Variants in DYSF observed in about 807,000 individuals in gnomAD.
The protein encoded by DYSF is dysferlin.
A neutral mutation model predicts 274.9 loss-of-function variants in DYSF; 212 were observed. That is an observed-to-expected ratio of 0.77 (90% confidence interval 0.69 to 0.86). DYSF has a LOEUF of 0.86. DYSF is among the 40% of genes least tolerant of loss of function. The pLI is 0.00. For missense variants in DYSF, 2,666 were observed against 2,783.2 expected, an observed-to-expected ratio of 0.96 and a Z score of 0.95; for synonymous variants, 1,091 against 1,078.7, an observed-to-expected ratio of 1.01 and a Z score of -0.22.
At chr2:71,508,617 G>A (rs2085752319) in intron 4 of DYSF, among the ~76,000 whole-genome samples, 1 of 152,192 alleles carries the variant, frequency 6.6e-6, no homozygotes. Flanking sequence ...TGTCTTGGGT[G>A]TGAGTGTAAC....
intron 39 of DYSF, 52 bp from the exon 40 acceptor site, chr2:71,613,282 C>CGA: frequency 1.9e-6 from 3 of 1,551,358 alleles, no homozygotes; most frequent in Non-Finnish European, 2.6e-6. Context: ...TGGTGAGGGG[C>CGA]GAGCCTTTTG....
intron 30 of DYSF, among the ~76,000 whole-genome samples, chr2:71,586,122 C>T (rs1340327204): frequency 6.6e-6 from 1 of 152,048 alleles, no homozygotes; most frequent in Non-Finnish European, 1.5e-5. Flanking sequence ...CCCTCTGCTC[C>T]CAGGGTCTAA....
intron 4 of DYSF, among the ~76,000 whole-genome samples, chr2:71,509,027 G>T (rs566706493): frequency 1.3e-5 from 2 of 150,798 alleles, no homozygotes; most frequent in African/African-American, 4.9e-5. Context: ...TATTTTTTTT[G>T]TATTTTTATA....
rs1802426 is a variant in DYSF, at chr2:71,686,587, C to T, written c.*95C>T. 1 of 1,444,974 alleles carries T rather than the reference C, an allele frequency of 6.9e-7. No individual in the cohort carries two copies. Among genetic ancestry groups the T allele is most frequent in the African/African-American group, 1.4e-5 (1 of 71,806 alleles). The allele number at this position is 1,444,974 out of a possible 1,614,324, so 89.5% of individuals were successfully genotyped here. A position where few individuals can be genotyped will look rare whatever the true frequency, so the allele number is the denominator to read the frequency against. On this transcript the variant is annotated 3_prime_UTR_variant, in exon 56 of 56. Coordinates refer to ENST00000410020, the MANE Select transcript of DYSF (RefSeq NM_001130987.2). ...CAGCTCGGCGAGCTCCTCCAGACCTCCTAGGCCTGATTGTCCTGCCAGGGT... is the reference window on the plus strand; with the variant it reads ...CAGCTCGGCGAGCTCCTCCAGACCTTCTAGGCCTGATTGTCCTGCCAGGGT...
intron 41 of DYSF, among the ~76,000 whole-genome samples, chr2:71,641,319 C>T (rs1419642700): frequency 6.6e-6 from 1 of 151,456 alleles, no homozygotes; most frequent in East Asian, 1.9e-4. Context: ...GCTGGGACTA[C>T]AGGCGCCCGC....
At chr2:71,682,822 C>T in intron 55 of DYSF, 145 bp downstream of exon 55, 1 of 1,226,800 alleles carries the variant, frequency 8.2e-7, no homozygotes, top group Non-Finnish European at 1.1e-6. Context: ...GATACAGAGC[C>T]CAGCTCTGGG....
At position 71,570,149 on chromosome 2, in the gene DYSF, G is replaced by A. The variant is rs186715745; in HGVS notation, c.2980-80G>A. 101 of 1,344,770 alleles carry A rather than the reference G, an allele frequency of 7.5e-5. No individual in the cohort carries two copies. In the East Asian group the frequency reaches 2.3e-3, roughly 30 times the overall value. 83.3% of individuals were successfully genotyped at this position (1,344,770 alleles called of 1,614,324 possible). ...GTCTGGGACTTGGAGGACGTATGTTGTCAAGTTGCATCTTTTCTGCCTCCC... is the reference window on the plus strand; with the variant it reads ...GTCTGGGACTTGGAGGACGTATGTTATCAAGTTGCATCTTTTCTGCCTCCC... On this transcript the variant is annotated intron_variant, in intron 27 of 55. Coordinates refer to ENST00000410020, the MANE Select transcript of DYSF (RefSeq NM_001130987.2).
chr2:71,494,923 C>A (rs775433645), intron 3 of DYSF, among the ~76,000 whole-genome samples: 2 of 152,232 alleles, frequency 1.3e-5, no homozygotes, highest in African/African-American at 2.4e-5. Flanking sequence ...AAAAAGAAAT[C>A]TAACCCTCTT....
At position 71,650,974 on chromosome 2, in the gene DYSF, CTG is replaced by C. The variant is rs1220364132; in HGVS notation, c.4627-5186_4627-5185del. ...CTGGGATCAAATAATAAAGATAAAA[CTG>C]TAATTACAGAATGCCGGGAAAATGA... On this transcript the variant is annotated intron_variant, in intron 42 of 55. Transcript: ENST00000410020. 1.5e-4 allele frequency among the ~76,000 whole-genome samples: 23 copies of C among 152,186 alleles called. No homozygotes were observed. The East Asian group carries it at 4.2e-3, about 28-fold the overall frequency.
chr2:71,565,246 C>CTTTTTTTT (rs796705736), intron 24 of DYSF, among the ~76,000 whole-genome samples: 6,934 of 130,488 alleles, frequency 0.053, 206 homozygotes, highest in Non-Finnish European at 0.065. Context: ...CCACCCAGCT[C>CTTTTTTTT]TTTTTTTTTT....
intron 41 of DYSF, among the ~76,000 whole-genome samples, chr2:71,631,308 A>T (rs963686632): frequency 6.6e-6 from 1 of 152,156 alleles, no homozygotes; most frequent in East Asian, 1.9e-4. Context: ...TACATATCAG[A>T]TGTGCTAATT....
chr2:71,646,210 G>A (rs2094565448), intron 42 of DYSF, among the ~76,000 whole-genome samples: 2 of 152,220 alleles, frequency 1.3e-5, no homozygotes, highest in South Asian at 4.1e-4. Flanking sequence ...TTGTGTACCA[G>A]GAAGAAGGTC....
At chr2:71,542,967 A>G (rs2152772717) in intron 17 of DYSF, among the ~76,000 whole-genome samples, 1 of 148,048 alleles carries the variant, frequency 6.8e-6, no homozygotes, top group South Asian at 2.2e-4. Flanking sequence ...GGCGCCCCCT[A>G]CCTCCCGGAC....
intron 29 of DYSF, among the ~76,000 whole-genome samples, chr2:71,572,912 C>T (rs2092571679): frequency 6.6e-6 from 1 of 152,188 alleles, no homozygotes; most frequent in Non-Finnish European, 1.5e-5. Context: ...CACATGCCCA[C>T]AGTTGAGCAC....
In DYSF at chr2:71,535,298, C is replaced by G; in HGVS notation, c.1480C>G (p.Arg494Gly). 6.2e-7 allele frequency: 1 copy of G among 1,614,134 alleles called. No individual in the cohort carries two copies. The highest frequency in any genetic ancestry group is 8.5e-7 in the Non-Finnish European group (1 of 1,179,994). The change falls in exon 16 of 56, where the codon CGT (arginine) becomes GGT (glycine). Residue 494 changes from arginine (R) to glycine (G), a missense_variant. Arg to Gly is a moderately radical substitution (Grantham distance 125, BLOSUM62 -2). Around this residue, in one of 3 missense-constraint regions of DYSF, gnomAD observed 794 missense variants for 777.1 expected, o/e 1.02. Coordinates refer to ENST00000410020, the MANE Select transcript of DYSF (RefSeq NM_001130987.2). ...CTCCATGTGCGAAAAAATGAGGATT[C>G]GTATCATAGACTGGTGAGTTCTGAG... ...FPSMCEKMRI[R>G]IIDWDRLTHN...
rs1010333216 is a variant in DYSF, at chr2:71,684,708, C to G, written c.6322-1746C>G. 2.6e-5 allele frequency among the ~76,000 whole-genome samples: 4 copies of G among 152,166 alleles called. No individual in the cohort carries two copies. In the East Asian group the frequency reaches 7.7e-4, roughly 29 times the overall value. Reference sequence around the variant, plus strand: ...GGAACTCACTAGAAACTCAGAGTCCCCGGCCGGCCCCGGCCTGCTGAGGGG... The same window carrying G: ...GGAACTCACTAGAAACTCAGAGTCCGCGGCCGGCCCCGGCCTGCTGAGGGG... On this transcript the variant is annotated intron_variant, in intron 55 of 55. Transcript: ENST00000410020.
At chr2:71,522,234 T>C (rs761776952) in intron 12 of DYSF, among the ~76,000 whole-genome samples, 2 of 151,530 alleles carry the variant, frequency 1.3e-5, no homozygotes, top group Non-Finnish European at 2.9e-5. Flanking sequence ...CTCCTACTGC[T>C]GGTCATCACC....
chr2:71,472,699 C>T (rs1318837117), intron 1 of DYSF, among the ~76,000 whole-genome samples: 1 of 152,260 alleles, frequency 6.6e-6, no homozygotes, highest in East Asian at 1.9e-4. Context: ...AGCCACCGCG[C>T]CAAGCCAACA....
chr2:71,495,940 A>C (rs1238958577), intron 3 of DYSF, among the ~76,000 whole-genome samples: 1 of 151,566 alleles, frequency 6.6e-6, no homozygotes, highest in African/African-American at 2.4e-5. Flanking sequence ...CAGGCATCCT[A>C]CCACAGGGTT....
Sources: allele counts gnomAD v4.1 joint callset (sites outside exome capture counted in the v4.1 genomes callset), GRCh38; gene constraint gnomAD v4.1.1; regional missense constraint gnomAD v4.1.1; transcripts MANE v1.5; gene names NCBI Gene and HGNC (gene_info 2026-07-23, HGNC 2026-07-21).